MBD5: variants seen among roughly 807,000 people sequenced by gnomAD.
MBD5 encodes methyl-CpG binding domain protein 5, also known as methyl-CpG-binding domain protein 5.
In MBD5, 13 loss-of-function variants were observed where a neutral mutation model predicts 117.3. That is an observed-to-expected ratio of 0.11 (90% CI 0.07 to 0.18). MBD5 has a LOEUF of 0.18. Ranked by LOEUF, MBD5 falls within the 10% of genes least tolerant of loss-of-function variation. MBD5 has a pLI of 1.00. For synonymous variants in MBD5, 727 were observed against 766.4 expected (o/e 0.95, Z 0.85); for missense variants, 1,879 against 2,093.8 (o/e 0.90, Z 2.00).
In MBD5 at chr2:148,410,280, A is replaced by C. The variant is rs1029772087; in HGVS notation, c.-556-47923A>C. 5.3e-5 allele frequency among the ~76,000 whole-genome samples: 8 copies of C among 152,294 alleles called. No homozygotes were observed. The South Asian group carries it at 6.2e-4, about 12-fold the overall frequency. ...TCTTTATTAGTGTATTTTGCATTTTATGATTACTTCTAAGATTAAGCATCA... is the reference window on the plus strand; with the variant it reads ...TCTTTATTAGTGTATTTTGCATTTTCTGATTACTTCTAAGATTAAGCATCA... On this transcript the variant is annotated intron_variant, in intron 4 of 13. Transcript: ENST00000642680.
intron 4 of MBD5, among the ~76,000 whole-genome samples, chr2:148,373,477 C>A (rs1703910770): frequency 1.3e-5 from 2 of 152,164 alleles, no homozygotes; most frequent in South Asian, 4.2e-4. Context: ...TTTACAAATA[C>A]CATTTTAGCT....
At chr2:148,446,772 T>G (rs888377782) in intron 4 of MBD5, among the ~76,000 whole-genome samples, 1 of 152,046 alleles carries the variant, frequency 6.6e-6, no homozygotes, top group Non-Finnish European at 1.5e-5. Context: ...TTTCAAGGAT[T>G]ATTTTACCCA....
intron 2 of MBD5, among the ~76,000 whole-genome samples, chr2:148,225,328 A>G (rs1699794236): frequency 1.3e-5 from 2 of 152,340 alleles, no homozygotes; most frequent in South Asian, 2.1e-4. Flanking sequence ...AAAAACTAAT[A>G]AACACTCTAT....
At chr2:148,191,864 G>T (rs1185595779) in intron 2 of MBD5, among the ~76,000 whole-genome samples, 2 of 114,984 alleles carry the variant, frequency 1.7e-5, no homozygotes, top group Non-Finnish European at 3.5e-5. Flanking sequence ...CCGCTAGCAA[G>T]ACTAATAAAG....
At chr2:148,207,465 A>AAC (rs1699312617) in intron 2 of MBD5, among the ~76,000 whole-genome samples, 1 of 150,840 alleles carries the variant, frequency 6.6e-6, no homozygotes. Flanking sequence ...CAAAAAAAAA[A>AAC]CCCTTAAAAA....
In MBD5 at chr2:148,129,907, A is replaced by T. The variant is rs369725400; in HGVS notation, c.-924-48793A>T. Among the ~76,000 whole-genome samples, 164 of 152,332 alleles carry T rather than the reference A, an allele frequency of 1.1e-3. 2 individuals carry two copies. The South Asian group carries it at 0.033, about 31-fold the overall frequency. On this transcript the variant is annotated intron_variant, in intron 1 of 13. Transcript: ENST00000642680. ...TCTACACACTACTTAAACAAAATTT[A>T]TTAGCATTCTGAAATTTGGATTACC...
intron 4 of MBD5, among the ~76,000 whole-genome samples, chr2:148,386,361 T>G (rs1189045836): frequency 6.6e-6 from 1 of 152,090 alleles, no homozygotes; most frequent in African/African-American, 2.4e-5. Flanking sequence ...AAAACAGAGA[T>G]AAGTGATATG....
At chr2:148,503,641 G>A (rs1017103472) in intron 12 of MBD5, among the ~76,000 whole-genome samples, 3 of 152,164 alleles carry the variant, frequency 2.0e-5, no homozygotes, top group Admixed American at 2.0e-4. Flanking sequence ...CTATGTCCCG[G>A]ACTCCTTTAA....
intron 2 of MBD5, among the ~76,000 whole-genome samples, chr2:148,231,629 C>T (rs1295068939): frequency 1.3e-5 from 2 of 152,046 alleles, no homozygotes; most frequent in Non-Finnish European, 2.9e-5. Flanking sequence ...CCATCTTGCC[C>T]TGCTTCAAGT....
chr2:148,188,781 GGTCTACAGC>G (rs1698740594), intron 2 of MBD5, among the ~76,000 whole-genome samples: 1 of 151,924 alleles, frequency 6.6e-6, no homozygotes. Flanking sequence ...GAACAGCTCC[GGTCTACAGC>G]TCCCAGCGTG....
At chr2:148,510,023 AT>A in intron 12 of MBD5, 36 bp from the exon 13 acceptor site, 1 of 1,479,282 alleles carries the variant, frequency 6.8e-7, no homozygotes, top group Non-Finnish European at 9.4e-7. Context: ...TGTTTCTTTA[AT>A]TTTTTAATCT....
intron 8 of MBD5, among the ~76,000 whole-genome samples, chr2:148,482,775 T>C (rs1356438361): frequency 6.6e-6 from 1 of 152,188 alleles, no homozygotes; most frequent in East Asian, 1.9e-4. Flanking sequence ...TCTCCCATCT[T>C]CCCCTTTCAC....
At chr2:148,428,301 C>T (rs1185200604) in intron 4 of MBD5, among the ~76,000 whole-genome samples, 3 of 152,008 alleles carry the variant, frequency 2.0e-5, no homozygotes, top group Admixed American at 6.6e-5. Flanking sequence ...ATGTGAAGGA[C>T]CTCTTCAAGG....
chr2:148,495,838 A>T (rs1681685419), intron 11 of MBD5, among the ~76,000 whole-genome samples: 1 of 152,214 alleles, frequency 6.6e-6, no homozygotes, highest in African/African-American at 2.4e-5. Flanking sequence ...ATTGGGGGGC[A>T]ATACATTTTC....
At chr2:148,417,409 G>C (rs1179312689) in intron 4 of MBD5, among the ~76,000 whole-genome samples, 3 of 151,598 alleles carry the variant, frequency 2.0e-5, no homozygotes, top group Non-Finnish European at 4.4e-5. Context: ...ATAGTGCTGG[G>C]AATACAGGCA....
At chr2:148,242,872 A>G (rs1030155718) in intron 3 of MBD5, among the ~76,000 whole-genome samples, 5 of 152,114 alleles carry the variant, frequency 3.3e-5, no homozygotes, top group Non-Finnish European at 5.9e-5. Context: ...GTATGTATAG[A>G]TTGTTTTGTG....
At chr2:148,361,371 A>C (rs912065176) in intron 4 of MBD5, among the ~76,000 whole-genome samples, 1 of 152,070 alleles carries the variant, frequency 6.6e-6, no homozygotes, top group Non-Finnish European at 1.5e-5. Flanking sequence ...CAAAACAAAA[A>C]AAAAAACGTG....
At chr2:148,451,518 G>A (rs1023071178) in intron 4 of MBD5, among the ~76,000 whole-genome samples, 15 of 151,994 alleles carry the variant, frequency 9.9e-5, no homozygotes, top group African/African-American at 3.6e-4. Context: ...TAATTAGAAA[G>A]GGGAAATGTC....
intron 1 of MBD5, among the ~76,000 whole-genome samples, chr2:148,047,097 C>G (rs1694554875): frequency 6.6e-6 from 1 of 152,200 alleles, no homozygotes; most frequent in South Asian, 2.1e-4. Context: ...CTGTCTCCCC[C>G]AACATAGTTT....
Sources: allele counts gnomAD v4.1 joint callset (sites outside exome capture counted in the v4.1 genomes callset), GRCh38; gene constraint gnomAD v4.1.1; transcripts MANE v1.5; gene names NCBI Gene and HGNC (gene_info 2026-07-23, HGNC 2026-07-21).